NFATC1: variants seen among roughly 807,000 people sequenced by gnomAD.
The protein encoded by NFATC1 is nuclear factor of activated T-cells, cytoplasmic 1.
A neutral mutation model predicts 76.0 loss-of-function variants in NFATC1; 22 were observed. The observed-to-expected ratio is 0.29, with a 90% CI of 0.21 to 0.41. NFATC1 has a LOEUF of 0.41. NFATC1 is among the 10% of genes least tolerant of loss of function. The pLI, the probability that NFATC1 is intolerant of heterozygous loss-of-function variation, is 1.00. For missense variants in NFATC1, 1,357 were observed against 1,337.7 expected (o/e 1.01, Z -0.23); for synonymous variants, 704 against 613.1 (o/e 1.15, Z -2.19).
chr18:79,448,611 A>G (rs1470068381), intron 3 of NFATC1, 171 bp from the exon 4 acceptor site: 10 of 673,840 alleles, frequency 1.5e-5, no homozygotes, highest in Non-Finnish European at 2.5e-5. Context: ...ATAACAAGGC[A>G]TTTTCTAATC....
chr18:79,448,994 G>C lies in NFATC1; in HGVS notation c.1589+10G>C. On this transcript the variant is annotated intron_variant, in intron 4 of 9. Transcript: ENST00000427363. The stretch of plus-strand genomic sequence containing the variant: ...ACAGCATGCGAGCCGTGTAAGCCGC[G>C]GGGGACCTCCGGCCTCTGGCAGGGG... 6.2e-7 allele frequency: 1 copy of C among 1,612,354 alleles called. No individual in the cohort carries two copies. The highest frequency in any genetic ancestry group is 8.5e-7 in the Non-Finnish European group (1 of 1,179,672).
intron 9 of NFATC1, among the ~76,000 whole-genome samples, chr18:79,493,974 A>C (rs1482792050): frequency 6.6e-6 from 1 of 152,104 alleles, no homozygotes; most frequent in African/African-American, 2.4e-5. Flanking sequence ...GCAGCTCCCC[A>C]ACGCCAAGAG....
chr18:79,447,762 TATG>T (rs2087277162), intron 3 of NFATC1, among the ~76,000 whole-genome samples: 1 of 152,228 alleles, frequency 6.6e-6, no homozygotes, highest in South Asian at 2.1e-4. Context: ...GCCTCTTGCA[TATG>T]GAATCAGACT....
chr18:79,474,505 G>A (rs1167944715), intron 8 of NFATC1, among the ~76,000 whole-genome samples: 4 of 147,784 alleles, frequency 2.7e-5, no homozygotes, highest in African/African-American at 5.1e-5. Flanking sequence ...CACTGTCGAC[G>A]TTGCAAGGGA....
rs561442068 is a variant in NFATC1, at chr18:79,524,550, C to T, written c.2783-2978C>T. 3.3e-5 allele frequency among the ~76,000 whole-genome samples: 5 copies of T among 152,292 alleles called. No homozygotes were observed. Among genetic ancestry groups the T allele is most frequent in the South Asian group, 2.1e-4 (1 of 4,832 alleles). ...GAGACCTTGTGGAACACACTTGACC[C>T]GGCGCTGGGACGGGGTCGGCCCACA... is the stretch of plus-strand genomic sequence containing the variant. On this transcript the variant is annotated intron_variant, in intron 9 of 9. Transcript: ENST00000427363. This position sits in a 1 kb window ranked among gnomAD's most constrained non-coding sequence, Gnocchi z 7.2.
intron 3 of NFATC1, among the ~76,000 whole-genome samples, chr18:79,442,225 G>C (rs959240503): frequency 2.0e-5 from 3 of 152,244 alleles, no homozygotes; most frequent in Non-Finnish European, 4.4e-5. Context: ...GAGAGACGTG[G>C]AGACCCGCGT....
At chr18:79,480,707 C>T (rs1243761805) in intron 8 of NFATC1, among the ~76,000 whole-genome samples, 2 of 152,216 alleles carry the variant, frequency 1.3e-5, no homozygotes, top group African/African-American at 2.4e-5. Flanking sequence ...CAGCGGCTCT[C>T]GGGCATAGCC....
chr18:79,425,156 C>T (rs566070090), intron 2 of NFATC1, among the ~76,000 whole-genome samples: 1 of 82,562 alleles, frequency 1.2e-5, no homozygotes, highest in Non-Finnish European at 2.4e-5. Context: ...TGTCTCTCTC[C>T]GTCTCTGTCT....
intron 7 of NFATC1, among the ~76,000 whole-genome samples, chr18:79,463,557 C>T (rs1254911973): frequency 2.6e-5 from 4 of 152,012 alleles, no homozygotes; most frequent in Admixed American, 1.3e-4. Flanking sequence ...CCCCGCTGGC[C>T]GGGCGTTTGC....
chr18:79,417,055 C>T (rs1005611496), intron 2 of NFATC1, among the ~76,000 whole-genome samples: 9 of 152,188 alleles, frequency 5.9e-5, no homozygotes, highest in African/African-American at 9.7e-5. Context: ...GCAGGTGACT[C>T]GCGCAAGCCA....
At chr18:79,404,068 G>A (rs1044260789) in intron 1 of NFATC1, among the ~76,000 whole-genome samples, 1 of 152,226 alleles carries the variant, frequency 6.6e-6, no homozygotes, top group African/African-American at 2.4e-5. Context: ...GTTTTTCAAA[G>A]GAAGATCTCA....
intron 9 of NFATC1, among the ~76,000 whole-genome samples, chr18:79,522,507 G>A (rs2090638648): frequency 8.6e-6 from 1 of 116,812 alleles, no homozygotes. Flanking sequence ...TGTGTTTTGT[G>A]TGGGGGGGGT....
chr18:79,464,696 T>TA (rs56730738), intron 7 of NFATC1, among the ~76,000 whole-genome samples: 6 of 100,342 alleles, frequency 6.0e-5, no homozygotes, highest in African/African-American at 2.4e-4. Context: ...ATATATATAT[T>TA]TATTTATTTA....
intron 8 of NFATC1, chr18:79,467,977 G>A: frequency 9.9e-7 from 1 of 1,014,914 alleles, no homozygotes; most frequent in African/African-American, 1.7e-5. Flanking sequence ...GCACCTTTAG[G>A]AATAAACTTT....
At chr18:79,487,999 C>T (rs953173473) in intron 9 of NFATC1, among the ~76,000 whole-genome samples, 8 of 152,158 alleles carry the variant, frequency 5.3e-5, no homozygotes, top group African/African-American at 1.9e-4. Context: ...GAGCCACTGC[C>T]CACTCCCTGC....
chr18:79,524,696 G>A lies in NFATC1; in HGVS notation c.2783-2832G>A, dbSNP rs2090705598. ...CTCAGCAGCCGCAGACCCAGGCAGA[G>A]AGAGCAAAGGAGGCTGTGGTGGCCC... On this transcript the variant is annotated intron_variant, in intron 9 of 9. Coordinates refer to ENST00000427363, the MANE Select transcript of NFATC1 (RefSeq NM_001278669.2). The surrounding 1 kb of genome is among the most constrained non-coding windows in gnomAD (Gnocchi z 7.2). Among the ~76,000 whole-genome samples the A allele has an allele frequency of 1.3e-5, 2 of 151,738 alleles. No homozygotes were observed. The highest frequency in any genetic ancestry group is 4.1e-4 in the South Asian group (2 of 4,826).
chr18:79,470,006 G>A, intron 8 of NFATC1: 1 of 985,446 alleles, frequency 1.0e-6, no homozygotes, highest in Middle Eastern at 5.2e-4. Flanking sequence ...ATAATGAATA[G>A]AAACCAGCAC....
At chr18:79,478,903 C>G (rs1368073298) in intron 8 of NFATC1, among the ~76,000 whole-genome samples, 1 of 152,190 alleles carries the variant, frequency 6.6e-6, no homozygotes, top group Non-Finnish European at 1.5e-5. Context: ...AGCGTGAGGC[C>G]TGGGTCTGCG....
At position 79,448,778 on chromosome 18, in the gene NFATC1, C is replaced by G. The variant is rs770321661; in HGVS notation, c.1387-4C>G. ...TGAGCAGGTGTTTTCTGTTCTCTCG[C>G]CAGCTGCATGGCTACTTGGAGAATG... On this transcript the variant is annotated splice_polypyrimidine_tract_variant and splice_region_variant and intron_variant, in intron 3 of 9. Transcript: ENST00000427363. 1 of 1,612,706 alleles carries G rather than the reference C, an allele frequency of 6.2e-7. No homozygotes were observed. Among genetic ancestry groups the G allele is most frequent in the Non-Finnish European group, 8.5e-7 (1 of 1,179,350 alleles).
Sources: allele counts gnomAD v4.1 joint callset (sites outside exome capture counted in the v4.1 genomes callset), GRCh38; gene constraint gnomAD v4.1.1; non-coding constraint Gnocchi (gnomAD v3.1); transcripts MANE v1.5; gene names NCBI Gene and HGNC (gene_info 2026-07-23, HGNC 2026-07-21).